Variants in ZSWIM9 observed in about 807,000 individuals in gnomAD.
ZSWIM9 encodes the protein zinc finger SWIM-type containing 9, also known as uncharacterized protein ZSWIM9.
ZSWIM9 carries 11 observed loss-of-function variants against 25.0 expected under a neutral mutation model. The ratio of observed to expected loss-of-function variants is 0.44; its 90% confidence interval spans 0.28 to 0.73. ZSWIM9 has a LOEUF of 0.73. ZSWIM9 is among the 30% of genes least tolerant of loss of function. The pLI is 0.16. For missense variants in ZSWIM9, 1,070 were observed against 1,296.5 expected (o/e 0.83, Z 2.68); for synonymous variants, 562 against 582.1 (o/e 0.97, Z 0.50).
chr19:48,187,436 A>AT (rs1568579374), intron 3 of ZSWIM9, among the ~76,000 whole-genome samples: 4 of 96,900 alleles, frequency 4.1e-5, no homozygotes, highest in South Asian at 2.6e-4. Flanking sequence ...ATATTATATT[A>AT]TATATATTAT....
chr19:48,187,467 AT>A (rs1383591870), intron 3 of ZSWIM9, among the ~76,000 whole-genome samples: 2 of 84,722 alleles, frequency 2.4e-5, no homozygotes, highest in Non-Finnish European at 4.2e-5. Context: ...TTAATTATAT[AT>A]ATTATATATA....
intron 2 of ZSWIM9, among the ~76,000 whole-genome samples, chr19:48,178,657 A>G (rs911879152): frequency 2.6e-5 from 4 of 151,612 alleles, no homozygotes; most frequent in African/African-American, 9.7e-5. Flanking sequence ...GCTCACTGCA[A>G]CCTCCACCTC....
At chr19:48,189,996 A>G (rs1418724194) in intron 3 of ZSWIM9, among the ~76,000 whole-genome samples, 2 of 152,140 alleles carry the variant, frequency 1.3e-5, no homozygotes, top group Non-Finnish European at 2.9e-5. Flanking sequence ...TGAGGTCAAG[A>G]GTTTGAGACC....
At chr19:48,189,202 CATT>C (rs746587048) in intron 3 of ZSWIM9, among the ~76,000 whole-genome samples, 8 of 152,146 alleles carry the variant, frequency 5.3e-5, no homozygotes, top group Non-Finnish European at 1.0e-4. Context: ...CAAGGTTAAT[CATT>C]GTTGTTTGTG....
intron 3 of ZSWIM9, among the ~76,000 whole-genome samples, chr19:48,188,920 A>G (rs1165716892): frequency 1.3e-5 from 2 of 151,918 alleles, no homozygotes; most frequent in Non-Finnish European, 2.9e-5. Context: ...AGTCCCAGCT[A>G]CTTGGGAGGC....
chr19:48,191,278 C>T (rs2037092103), intron 3 of ZSWIM9, among the ~76,000 whole-genome samples: 1 of 152,130 alleles, frequency 6.6e-6, no homozygotes, highest in South Asian at 2.1e-4. Context: ...AATCTCGGCT[C>T]ACTGCAGCCT....
intron 3 of ZSWIM9, among the ~76,000 whole-genome samples, chr19:48,185,225 C>T (rs1306858080): frequency 4.6e-5 from 7 of 151,836 alleles, no homozygotes; most frequent in Admixed American, 6.6e-5. Flanking sequence ...CCGCAACCTC[C>T]GCCTCCCGGG....
intron 3 of ZSWIM9, among the ~76,000 whole-genome samples, chr19:48,184,436 G>T (rs2036988562): frequency 6.6e-6 from 1 of 152,122 alleles, no homozygotes; most frequent in Admixed American, 6.6e-5. Context: ...AGATGAGAAA[G>T]TAGGGGAAGA....
chr19:48,195,753 G>T lies in ZSWIM9; in HGVS notation c.1689G>T (p.Gln563His), dbSNP rs899384355. 2.0e-6 allele frequency: 3 copies of T among 1,489,820 alleles called. No individual in the cohort carries two copies. In the Admixed American group the frequency reaches 7.0e-5, roughly 35 times the overall value. 92.3% of individuals were successfully genotyped at this position (1,489,820 alleles called of 1,614,324 possible). A position where few individuals can be genotyped will look rare whatever the true frequency, so the allele number is the denominator to read the frequency against. ...AGATTAGAGACTGGAGGGGGCCCCA[G>T]TTGGAGGGTGAGAAAGATTGGGGAC... is the stretch of plus-strand genomic sequence containing the variant. ...GPEIRDWRGPQLEGEKDWGLE... is the reference protein window; with the variant it reads ...GPEIRDWRGPHLEGEKDWGLE... Residue 563 changes from glutamine to histidine, a missense_variant, in exon 4 of 4, where the codon CAG (glutamine) becomes CAT (histidine). Transcript: ENST00000614654. The surrounding 1 kb of genome is among the most constrained non-coding windows in gnomAD (Gnocchi z 5.8).
In ZSWIM9 at chr19:48,194,961, G is replaced by T. The variant is rs1181546416; in HGVS notation, c.897G>T (p.Ala299=). The T allele has an allele frequency of 1.5e-6, 2 of 1,329,412 alleles. No homozygotes were observed. Among genetic ancestry groups the T allele is most frequent in the Non-Finnish European group, 1.9e-6 (2 of 1,042,078 alleles). 82.4% of individuals were successfully genotyped at this position (1,329,412 alleles called of 1,614,324 possible). Residue 299 remains alanine (A), a synonymous_variant, in exon 4 of 4, where the codon GCG becomes GCT. Transcript: ENST00000614654. The surrounding 1 kb of genome is among the most constrained non-coding windows in gnomAD (Gnocchi z 6.0). ...GCCTCACCGCCGGGCCCGAGGTGGC[G>T]GCGCAGTTGCCTGCAGTGCGCCAGC... ...VRCLTAGPEV[A]AQLPAVRQLL... is the part of the protein sequence containing the mutation.
chr19:48,192,485 A>G (rs1272676127), intron 3 of ZSWIM9, among the ~76,000 whole-genome samples: 2 of 37,534 alleles, frequency 5.3e-5, no homozygotes, highest in Admixed American at 3.5e-4. Context: ...AAAAAAATAT[A>G]TATATATATA....
At chr19:48,174,463 T>C (rs274868) in intron 2 of ZSWIM9, among the ~76,000 whole-genome samples, 94,710 of 151,914 alleles carry the variant, frequency 0.62, 31,103 homozygotes, top group East Asian at 0.87. Flanking sequence ...TGGGCCATTG[T>C]GCTGCTGATG....
chr19:48,193,579 A>G (rs1207833024), intron 3 of ZSWIM9, among the ~76,000 whole-genome samples: 1 of 152,244 alleles, frequency 6.6e-6, no homozygotes, highest in Non-Finnish European at 1.5e-5. Flanking sequence ...TGGGCAGATC[A>G]GGAAACGAAG....
chr19:48,187,977 T>TAGACAGACAGACAGACAGAC (rs1568580220), intron 3 of ZSWIM9, among the ~76,000 whole-genome samples: 3 of 148,504 alleles, frequency 2.0e-5, no homozygotes, highest in African/African-American at 7.7e-5. Flanking sequence ...GATAGATAGA[T>TAGACAGACAGACAGACAGAC]AGATAGATAG....
At chr19:48,170,764 A>C (rs2036779530) in intron 1 of ZSWIM9, 50 bp downstream of exon 1, 1 of 150,468 alleles carries the variant, frequency 6.6e-6, no homozygotes, top group Non-Finnish European at 1.4e-5. Flanking sequence ...GGGGAGAGGC[A>C]CAGCTAGGTG....
chr19:48,174,290 A>G (rs1212039490), intron 2 of ZSWIM9, among the ~76,000 whole-genome samples: 1 of 152,010 alleles, frequency 6.6e-6, no homozygotes, highest in Non-Finnish European at 1.5e-5. Context: ...TCCAAGCCTC[A>G]GTTTTCTCAT....
intron 2 of ZSWIM9, among the ~76,000 whole-genome samples, chr19:48,178,802 T>C (rs930824929): frequency 1.3e-5 from 2 of 152,056 alleles, no homozygotes; most frequent in Non-Finnish European, 1.5e-5. Context: ...TCTCGAACTC[T>C]TGACCTCGTG....
intron 2 of ZSWIM9, chr19:48,180,781 G>C (rs1243983077): frequency 7.0e-6 from 1 of 143,062 alleles, no homozygotes; most frequent in Non-Finnish European, 1.5e-5. Context: ...CTTTGAGACA[G>C]GGTCTCGCTC....
At chr19:48,171,189 G>A in intron 1 of ZSWIM9, 3 of 983,004 alleles carry the variant, frequency 3.1e-6, no homozygotes, top group Non-Finnish European at 3.6e-6. Context: ...GGTCATAATC[G>A]GGGGAAGGGG....
Sources: gnomAD v4.1 joint callset for allele counts (sites outside exome capture counted in the v4.1 genomes callset) on GRCh38, gnomAD v4.1.1 for gene constraint, Gnocchi (gnomAD v3.1) non-coding constraint, MANE v1.5 for transcripts, NCBI Gene and HGNC (gene_info 2026-07-23, HGNC 2026-07-21) for gene names.